Variants in SHISA6 observed in about 807,000 individuals in gnomAD.
SHISA6 encodes the protein shisa family member 6.
In SHISA6, 22 loss-of-function variants were observed where a neutral mutation model predicts 47.9. The observed-to-expected ratio is 0.46, with a 90% CI of 0.33 to 0.66. The LOEUF is 0.66. Ranked by LOEUF, SHISA6 falls within the 30% of genes least tolerant of loss-of-function variation. The pLI, the probability that SHISA6 is intolerant of heterozygous loss-of-function variation, is 0.02. For missense variants in SHISA6, 680 were observed against 764.6 expected, an observed-to-expected ratio of 0.89 and a Z score of 1.30; for synonymous variants, 388 against 337.8, an observed-to-expected ratio of 1.15 and a Z score of -1.63.
intron 2 of SHISA6, among the ~76,000 whole-genome samples, chr17:11,330,459 T>C (rs1426531505): frequency 1.3e-5 from 2 of 150,138 alleles, no homozygotes; most frequent in East Asian, 4.0e-4. Context: ...AAATTGAGAC[T>C]ATTTTCTAAA....
intron 3 of SHISA6, among the ~76,000 whole-genome samples, chr17:11,512,728 TC>T (rs1233848967): frequency 5.9e-5 from 9 of 152,148 alleles, no homozygotes; most frequent in African/African-American, 2.2e-4. Context: ...ATTATGTACA[TC>T]CAAACAATTA....
intron 1 of SHISA6, among the ~76,000 whole-genome samples, chr17:11,253,876 T>C (rs1192179332): frequency 2.6e-5 from 4 of 152,170 alleles, no homozygotes; most frequent in African/African-American, 9.7e-5. Flanking sequence ...TGAGAGGTTA[T>C]GGATCTGGAG....
At chr17:11,539,086 C>T (rs1042486307) in intron 3 of SHISA6, among the ~76,000 whole-genome samples, 2 of 152,114 alleles carry the variant, frequency 1.3e-5, no homozygotes, top group African/African-American at 2.4e-5. Context: ...GGACTACAGG[C>T]GCCTGCCACC....
rs149856154 is a variant in SHISA6 at position 11,526,880 on chromosome 17, CATATATATAT to C, written c.896-24969_896-24960del. Among the ~76,000 whole-genome samples, 571 of 110,734 alleles carry C rather than the reference CATATATATAT, an allele frequency of 5.2e-3. 4 individuals carry two copies. The highest frequency in any genetic ancestry group is 7.1e-3 in the South Asian group (24 of 3,404). The allele number at this position is 110,734 out of a possible 152,430, so 72.6% of individuals were successfully genotyped here. ...CTTGATGCCTCAAGCTATCTATCATCATATATATATATATATATATATATATATATATATA... is the reference window on the plus strand; with the variant it reads ...CTTGATGCCTCAAGCTATCTATCATCATATATATATATATATATATATATA... On this transcript the variant is annotated intron_variant, in intron 3 of 5. Transcript: ENST00000441885.
At chr17:11,269,217 T>G (rs1908549123) in intron 2 of SHISA6, among the ~76,000 whole-genome samples, 1 of 152,088 alleles carries the variant, frequency 6.6e-6, no homozygotes. Flanking sequence ...AATCTTTGCA[T>G]TTTTAGTAGA....
intron 3 of SHISA6, among the ~76,000 whole-genome samples, chr17:11,425,402 G>C (rs745409499): frequency 3.3e-5 from 5 of 151,966 alleles, no homozygotes; most frequent in Non-Finnish European, 7.4e-5. Flanking sequence ...TCCCCTCCCT[G>C]GCCCTCAGCT....
chr17:11,554,329 C>A (rs1567637824), intron 4 of SHISA6, among the ~76,000 whole-genome samples: 1 of 152,118 alleles, frequency 6.6e-6, no homozygotes, highest in Non-Finnish European at 1.5e-5. Flanking sequence ...ATGTCCTGAG[C>A]TGGCATGAAC....
intron 3 of SHISA6, among the ~76,000 whole-genome samples, chr17:11,520,548 C>T (rs16944942): frequency 0.019 from 2,816 of 152,206 alleles, 77 homozygotes; most frequent in East Asian, 0.087. Context: ...TTGCTCTAAG[C>T]TGTGATCATC....
chr17:11,431,064 A>G (rs1383545032), intron 3 of SHISA6, among the ~76,000 whole-genome samples: 1 of 152,126 alleles, frequency 6.6e-6, no homozygotes, highest in Non-Finnish European at 1.5e-5. Flanking sequence ...CTGGGGAGGG[A>G]CTGAAGCATA....
At chr17:11,422,566 A>G (rs1914478536) in intron 3 of SHISA6, among the ~76,000 whole-genome samples, 1 of 152,214 alleles carries the variant, frequency 6.6e-6, no homozygotes, top group South Asian at 2.1e-4. Flanking sequence ...AGCCTGGCCA[A>G]CATAGTGAAA....
chr17:11,395,662 C>T (rs532827602), intron 3 of SHISA6, among the ~76,000 whole-genome samples: 11 of 151,742 alleles, frequency 7.2e-5, no homozygotes, highest in African/African-American at 9.7e-5. Context: ...GGATTACAGG[C>T]GCCCACCACC....
intron 2 of SHISA6, among the ~76,000 whole-genome samples, chr17:11,269,487 C>G (rs1908561470): frequency 6.6e-6 from 1 of 152,160 alleles, no homozygotes; most frequent in African/African-American, 2.4e-5. Context: ...CCTTCCAGTT[C>G]TTTCCACCCT....
intron 2 of SHISA6, among the ~76,000 whole-genome samples, chr17:11,361,827 C>T (rs1912297845): frequency 6.6e-6 from 1 of 152,174 alleles, no homozygotes; most frequent in Admixed American, 6.5e-5. Flanking sequence ...CCTTGCTGCA[C>T]AGTAAGTAGT....
At chr17:11,515,982 A>G (rs528552576) in intron 3 of SHISA6, among the ~76,000 whole-genome samples, 2 of 152,160 alleles carry the variant, frequency 1.3e-5, no homozygotes, top group Non-Finnish European at 2.9e-5. Flanking sequence ...TCCATCCAAA[A>G]CAAAATTCCA....
At chr17:11,557,681 G>A in intron 5 of SHISA6, 73 bp from the exon 6 acceptor site, 2 of 1,412,100 alleles carry the variant, frequency 1.4e-6, no homozygotes, top group Non-Finnish European at 1.9e-6. Context: ...GCAGGAGCGG[G>A]GCAGGGTTCT....
rs1907440641 is a variant in SHISA6, at chr17:11,243,184, C to T, written c.638+1124C>T. On this transcript the variant is annotated intron_variant, in intron 1 of 5. Coordinates refer to ENST00000441885, the MANE Select transcript of SHISA6 (RefSeq NM_207386.4). ...ACCTTGAGCTCTTCTCTGCGTCCTG[C>T]TTGTTATTCTTACCACCTGAAAACC... 3.3e-5 allele frequency among the ~76,000 whole-genome samples: 5 copies of T among 151,654 alleles called. No homozygotes were observed. In the South Asian group the frequency reaches 1.0e-3, roughly 32 times the overall value.
At chr17:11,436,852 C>T (rs576652979) in intron 3 of SHISA6, among the ~76,000 whole-genome samples, 15 of 152,278 alleles carry the variant, frequency 9.9e-5, no homozygotes, top group African/African-American at 3.6e-4. Flanking sequence ...CTCAGTGATA[C>T]CCTTATTGGA....
chr17:11,398,784 G>A (rs1251265318), intron 3 of SHISA6, among the ~76,000 whole-genome samples: 1 of 151,886 alleles, frequency 6.6e-6, no homozygotes, highest in Non-Finnish European at 1.5e-5. Context: ...GTAGATATGG[G>A]GTTTCACCAT....
chr17:11,276,612 CCAT>C (rs957740519), intron 2 of SHISA6, among the ~76,000 whole-genome samples: 1 of 151,930 alleles, frequency 6.6e-6, no homozygotes, highest in African/African-American at 2.4e-5. Context: ...ACCACCACCA[CCAT>C]CATCATCCTC....
Sources: gnomAD v4.1 joint callset for allele counts (sites outside exome capture counted in the v4.1 genomes callset) on GRCh38, gnomAD v4.1.1 for gene constraint, MANE v1.5 for transcripts, NCBI Gene and HGNC (gene_info 2026-07-23, HGNC 2026-07-21) for gene names.